The following GOLIM4 variants were observed in gnomAD, a reference collection of about 807,000 sequenced individuals.
The protein encoded by GOLIM4 is 130 kDa golgi-localized phosphoprotein.
Under a neutral mutation model 107.4 loss-of-function variants are expected in GOLIM4, and 71 were observed. The observed-to-expected ratio is 0.66, with a 90% CI of 0.55 to 0.81. The LOEUF is 0.81. GOLIM4 is among the 30% of genes least tolerant of loss of function. The pLI is 0.00. For missense variants in GOLIM4, 830 were observed against 826.1 expected (o/e 1.00, Z -0.06); for synonymous variants, 327 against 294.8 (o/e 1.11, Z -1.12).
chr3:168,040,691 T>A, intron 7 of GOLIM4, 95 bp downstream of exon 7: 2 of 732,692 alleles, frequency 2.7e-6, no homozygotes, highest in Non-Finnish European at 4.7e-6. Flanking sequence ...AGGAACTCAC[T>A]GAAGATTGGC....
rs75082052 is a variant in GOLIM4 at position 168,035,751 on chromosome 3, G to A, written c.843+1085C>T. ...AACTCCCATGACACAGTTTACCTACGTAACAAACTTGCTCATGTACCCCTG... is the reference window on the plus strand; with the variant it reads ...AACTCCCATGACACAGTTTACCTACATAACAAACTTGCTCATGTACCCCTG... On this transcript the variant is annotated intron_variant, in intron 8 of 15. Coordinates refer to ENST00000470487, the MANE Select transcript of GOLIM4 (RefSeq NM_014498.5). Among the ~76,000 whole-genome samples the A allele has an allele frequency of 2.1e-3, 318 of 152,026 alleles. 2 individuals carry two copies. Among genetic ancestry groups the A allele is most frequent in the African/African-American group, 7.2e-3 (298 of 41,472 alleles).
At chr3:168,059,570 T>C (rs1720148625) in intron 1 of GOLIM4, among the ~76,000 whole-genome samples, 1 of 152,212 alleles carries the variant, frequency 6.6e-6, no homozygotes, top group Non-Finnish European at 1.5e-5. Context: ...TGCCAAGCAC[T>C]GTTCAGATAT....
At chr3:168,069,420 G>A (rs1277870390) in intron 1 of GOLIM4, among the ~76,000 whole-genome samples, 1 of 152,104 alleles carries the variant, frequency 6.6e-6, no homozygotes, top group East Asian at 1.9e-4. Flanking sequence ...ATGAAGTCAA[G>A]CAATTAATAC....
intron 9 of GOLIM4, 74 bp from the exon 10 acceptor site, chr3:168,030,110 GACAAACTC>G: frequency 6.9e-7 from 1 of 1,445,192 alleles, no homozygotes; most frequent in Non-Finnish European, 9.5e-7. Context: ...TGTTTCTCCT[GACAAACTC>G]AGGAGGCAGA....
chr3:168,037,239 T>A (rs1283801993), intron 7 of GOLIM4, among the ~76,000 whole-genome samples: 2 of 152,182 alleles, frequency 1.3e-5, no homozygotes, highest in African/African-American at 4.8e-5. Context: ...TAGTTTCCCA[T>A]ACTACACTGA....
At chr3:168,089,962 T>C (rs1433688994) in intron 1 of GOLIM4, among the ~76,000 whole-genome samples, 1 of 152,086 alleles carries the variant, frequency 6.6e-6, no homozygotes, top group Non-Finnish European at 1.5e-5. Flanking sequence ...GAGATGAGGT[T>C]TAGCCATGTT....
At chr3:168,089,751 T>C (rs1357041026) in intron 1 of GOLIM4, among the ~76,000 whole-genome samples, 1 of 150,996 alleles carries the variant, frequency 6.6e-6, no homozygotes, top group African/African-American at 2.4e-5. Flanking sequence ...CCTGGTTCTG[T>C]GCTGAAGATG....
chr3:168,027,817 G>A lies in GOLIM4; in HGVS notation c.1534C>T (p.His512Tyr), dbSNP rs747568376. 25 of 1,610,908 alleles carry A rather than the reference G, an allele frequency of 1.6e-5. No homozygotes were observed. Among genetic ancestry groups the A allele is most frequent in the Non-Finnish European group, 2.1e-5 (25 of 1,177,304 alleles). The change falls in exon 12 of 16, where the codon CAC becomes TAC. Residue 512 changes from histidine to tyrosine, a missense_variant. Coordinates refer to ENST00000470487, the MANE Select transcript of GOLIM4 (RefSeq NM_014498.5). ...EEGAYERDNQ[H>Y]QDEAEGDPGN... ...GGATCTCCTTCTGCTTCATCTTGGT[G>A]CTGGTTGTCTCTTTCATAGGCTAGC...
intron 1 of GOLIM4, among the ~76,000 whole-genome samples, chr3:168,050,506 A>G (rs1423983501): frequency 6.6e-6 from 1 of 152,096 alleles, no homozygotes; most frequent in Non-Finnish European, 1.5e-5. Flanking sequence ...ATAGGGAAAG[A>G]GCTAAATTAC....
intron 1 of GOLIM4, among the ~76,000 whole-genome samples, chr3:168,081,096 A>C (rs988510145): frequency 2.0e-5 from 3 of 152,208 alleles, no homozygotes; most frequent in African/African-American, 7.2e-5. Context: ...TTCCAGCATG[A>C]GATGAAGTCC....
intron 1 of GOLIM4, among the ~76,000 whole-genome samples, chr3:168,063,218 C>T (rs1310399418): frequency 6.6e-6 from 1 of 152,076 alleles, no homozygotes; most frequent in East Asian, 1.9e-4. Context: ...AGATGTTACT[C>T]CTAAAGACCA....
chr3:168,009,949 G>A lies in GOLIM4; in HGVS notation c.*320C>T, dbSNP rs1716896249. 5.2e-6 allele frequency: 1 copy of A among 192,834 alleles called. No individual in the cohort carries two copies. The highest frequency in any genetic ancestry group is 2.3e-5 in the African/African-American group (1 of 43,072). The allele number at this position is 192,834 out of a possible 1,614,324, so 11.9% of individuals were successfully genotyped here. A position where few individuals can be genotyped will look rare whatever the true frequency, so the allele number is the denominator to read the frequency against. On this transcript the variant is annotated 3_prime_UTR_variant, in exon 16 of 16. Coordinates refer to ENST00000470487, the MANE Select transcript of GOLIM4 (RefSeq NM_014498.5). ...CACCTGGGAACTGGAAGCCAGAAAG[G>A]TAACACGCTGAAACATATACAAAAT...
At chr3:168,060,361 G>C (rs954278363) in intron 1 of GOLIM4, among the ~76,000 whole-genome samples, 1 of 152,206 alleles carries the variant, frequency 6.6e-6, no homozygotes, top group Non-Finnish European at 1.5e-5. Flanking sequence ...TGGAAGAAGA[G>C]GACCAGTGTG....
intron 1 of GOLIM4, among the ~76,000 whole-genome samples, chr3:168,076,441 C>T (rs1401998078): frequency 1.3e-5 from 2 of 152,212 alleles, no homozygotes; most frequent in Non-Finnish European, 2.9e-5. Flanking sequence ...CGCCTGTAAT[C>T]CCAGCACTTT....
chr3:168,060,261 G>A (rs1452610564), intron 1 of GOLIM4, among the ~76,000 whole-genome samples: 3 of 152,116 alleles, frequency 2.0e-5, no homozygotes, highest in African/African-American at 7.2e-5. Context: ...GTTGACTTAG[G>A]TTTTAAATAT....
chr3:168,019,113 G>A (rs1025971393), intron 14 of GOLIM4, among the ~76,000 whole-genome samples: 2 of 152,180 alleles, frequency 1.3e-5, no homozygotes, highest in African/African-American at 4.8e-5. Context: ...ATATACTATG[G>A]AGTCAGAAAG....
intron 1 of GOLIM4, among the ~76,000 whole-genome samples, chr3:168,068,773 A>G (rs1720680348): frequency 4.6e-5 from 7 of 151,902 alleles, no homozygotes; most frequent in Admixed American, 4.6e-4. Context: ...TCCTTTGTCA[A>G]TTGTGAATGC....
Position 168,029,724 on chromosome 3 carries a change from G to A in GOLIM4, c.1433+56C>T. On this transcript the variant is annotated intron_variant, in intron 10 of 15. Coordinates refer to ENST00000470487, the MANE Select transcript of GOLIM4 (RefSeq NM_014498.5). ...AAATGCACAAAACTGTTTTTAATTT[G>A]CGTATGAAAACTGGAGCAGGGGCTG... The A allele has an allele frequency of 6.3e-7, 1 of 1,582,998 alleles. No individual in the cohort carries two copies. Among genetic ancestry groups the A allele is most frequent in the Non-Finnish European group, 8.6e-7 (1 of 1,161,726 alleles).
chr3:168,078,988 A>C (rs9841419), intron 1 of GOLIM4, among the ~76,000 whole-genome samples: 74,513 of 151,876 alleles, frequency 0.49, 19,365 homozygotes, highest in African/African-American at 0.62. Flanking sequence ...CAGATCAGGA[A>C]TTATAGTTGG....
Sources: allele counts gnomAD v4.1 joint callset (sites outside exome capture counted in the v4.1 genomes callset), GRCh38; gene constraint gnomAD v4.1.1; transcripts MANE v1.5; gene names NCBI Gene and HGNC (gene_info 2026-07-23, HGNC 2026-07-21).